Variants in SGCD observed in about 807,000 individuals in gnomAD.
The protein encoded by SGCD is delta-sarcoglycan.
Under a neutral mutation model 36.6 loss-of-function variants are expected in SGCD, and 18 were observed. The ratio of observed to expected loss-of-function variants is 0.49; its 90% CI spans 0.34 to 0.73. The LOEUF (loss-of-function observed/expected upper bound fraction) is 0.73. Ranked by LOEUF, SGCD falls within the 30% of genes least tolerant of loss-of-function variation. The pLI, the probability that SGCD is intolerant of heterozygous loss-of-function variation, is 0.01. For synonymous variants in SGCD, 133 were observed against 130.6 expected, an observed-to-expected ratio of 1.02 and a Z score of -0.12; for missense variants, 387 against 346.7, an observed-to-expected ratio of 1.12 and a Z score of -0.92.
At chr5:156,211,660 A>G (rs1266946239) in intron 3 of SGCD, among the ~76,000 whole-genome samples, 2 of 152,050 alleles carry the variant, frequency 1.3e-5, no homozygotes, top group Non-Finnish European at 2.9e-5. Flanking sequence ...TAGCACTAAA[A>G]CATATGAAAG....
intron 1 of SGCD, among the ~76,000 whole-genome samples, chr5:156,070,060 A>T (rs532967855): frequency 6.6e-6 from 1 of 151,436 alleles, no homozygotes; most frequent in South Asian, 2.1e-4. Context: ...TAGATATACA[A>T]TCATGTCATC....
At chr5:156,682,785 T>C (rs901478225) in intron 7 of SGCD, among the ~76,000 whole-genome samples, 12 of 91,688 alleles carry the variant, frequency 1.3e-4, no homozygotes, top group Non-Finnish European at 2.6e-4. Flanking sequence ...TTAGTTTACA[T>C]TTGAGAACAC....
the SGCD span, among the ~76,000 whole-genome samples, chr5:155,829,401 A>C: frequency 6.6e-6 from 1 of 152,054 alleles, no homozygotes; most frequent in Admixed American, 6.6e-5. Context: ...CAGCCTCACT[A>C]ATAATGCCTT....
chr5:156,209,688 G>A (rs1422664159), intron 3 of SGCD, among the ~76,000 whole-genome samples: 1 of 152,190 alleles, frequency 6.6e-6, no homozygotes, highest in Non-Finnish European at 1.5e-5. Flanking sequence ...CCAATAATGT[G>A]GGCATAGGTT....
chr5:156,558,124 T>TATATATATATATATATATATATA (rs56288003), intron 4 of SGCD, among the ~76,000 whole-genome samples: 2 of 123,610 alleles, frequency 1.6e-5, no homozygotes, highest in African/African-American at 3.0e-5. Context: ...TATATATATA[T>TATATATATATATATATATATATA]TATTTAACTC....
intron 1 of SGCD, among the ~76,000 whole-genome samples, chr5:156,105,493 A>C (rs1447454197): frequency 6.6e-6 from 1 of 152,234 alleles, no homozygotes; most frequent in African/African-American, 2.4e-5. Flanking sequence ...ACATAATTAA[A>C]AGAGTAATGT....
At chr5:155,757,908 A>G in the SGCD span, among the ~76,000 whole-genome samples, 1 of 152,012 alleles carries the variant, frequency 6.6e-6, no homozygotes, top group Non-Finnish European at 1.5e-5. Context: ...ATGAGATTTG[A>G]TGGTTCTATA....
At chr5:156,277,450 CAA>C (rs1766346729) in intron 3 of SGCD, among the ~76,000 whole-genome samples, 1 of 152,122 alleles carries the variant, frequency 6.6e-6, no homozygotes, top group African/African-American at 2.4e-5. Flanking sequence ...CATAAAAATG[CAA>C]AGAGGGTTGT....
intron 4 of SGCD, among the ~76,000 whole-genome samples, chr5:156,542,404 C>T (rs1453867510): frequency 2.0e-5 from 3 of 152,172 alleles, no homozygotes; most frequent in African/African-American, 7.2e-5. Flanking sequence ...ATATATTAAA[C>T]ATAGTCACCT....
chr5:156,571,046 G>A (rs909660341), intron 4 of SGCD, among the ~76,000 whole-genome samples: 2 of 150,200 alleles, frequency 1.3e-5, no homozygotes, highest in African/African-American at 4.9e-5. Flanking sequence ...TTTGTTTTTT[G>A]TTTCATTTTG....
chr5:156,036,224 C>T (rs186311399), intron 1 of SGCD, among the ~76,000 whole-genome samples: 1 of 152,244 alleles, frequency 6.6e-6, no homozygotes, highest in East Asian at 1.9e-4. Context: ...AGTGAGAGGT[C>T]ATAGAGACTT....
intron 3 of SGCD, among the ~76,000 whole-genome samples, chr5:156,480,866 T>A (rs1462411897): frequency 1.3e-5 from 2 of 152,230 alleles, no homozygotes; most frequent in African/African-American, 4.8e-5. Context: ...TTAACACTCT[T>A]ATTGCCTTCA....
intron 6 of SGCD, among the ~76,000 whole-genome samples, chr5:156,605,509 A>G (rs906260416): frequency 2.6e-5 from 4 of 152,256 alleles, no homozygotes; most frequent in East Asian, 1.9e-4. Context: ...CAATAAAAAT[A>G]CGTCTGCATG....
At chr5:156,709,886 A>C (rs908988735) in intron 7 of SGCD, among the ~76,000 whole-genome samples, 7 of 141,350 alleles carry the variant, frequency 5.0e-5, no homozygotes, top group Admixed American at 1.5e-4. Flanking sequence ...ATGGGAAGGG[A>C]ATCAACAAGA....
At chr5:156,143,968 A>G (rs549710216) in intron 3 of SGCD, among the ~76,000 whole-genome samples, 1 of 136,790 alleles carries the variant, frequency 7.3e-6, no homozygotes, top group East Asian at 2.2e-4. Context: ...ATTCCCACCT[A>G]TGAGTGAGAA....
Position 156,344,518 on chromosome 5 carries a change from G to A in SGCD, c.33G>A (p.Arg11=), listed in dbSNP as rs756007116. The A allele has an allele frequency of 1.9e-6, 3 of 1,608,516 alleles. No individual in the cohort carries two copies. Among genetic ancestry groups the A allele is most frequent in the South Asian group, 1.1e-5 (1 of 89,730 alleles). ...CTCAGGAGCAGTACACTCACCACCGGAGCACCATGCCTGGCTCTGTGGGGC... is the reference window on the plus strand; with the variant it reads ...CTCAGGAGCAGTACACTCACCACCGAAGCACCATGCCTGGCTCTGTGGGGC... MMPQEQYTHH[R]STMPGSVGPQ... The change falls in exon 3 of 9, where the codon CGG becomes CGA. Residue 11 remains arginine (R), a synonymous_variant. Transcript: ENST00000337851.
At chr5:155,854,301 T>TC in the SGCD span, among the ~76,000 whole-genome samples, 2 of 152,120 alleles carry the variant, frequency 1.3e-5, no homozygotes, top group Non-Finnish European at 1.5e-5. Flanking sequence ...TTGCCAAATG[T>TC]CCCCCAGGGG....
At chr5:155,855,696 A>AG in the SGCD span, among the ~76,000 whole-genome samples, 2 of 152,196 alleles carry the variant, frequency 1.3e-5, no homozygotes, top group Non-Finnish European at 2.9e-5. Context: ...TGTTATAAAA[A>AG]TTTACCAGTT....
intron 3 of SGCD, among the ~76,000 whole-genome samples, chr5:156,250,167 C>CT (rs1161598665): frequency 6.6e-6 from 1 of 152,094 alleles, no homozygotes; most frequent in African/African-American, 2.4e-5. Flanking sequence ...TTGATTTCTT[C>CT]TTTTTTGTCA....
Sources: allele counts gnomAD v4.1 joint callset (sites outside exome capture counted in the v4.1 genomes callset), GRCh38; gene constraint gnomAD v4.1.1; transcripts MANE v1.5; gene names NCBI Gene and HGNC (gene_info 2026-07-23, HGNC 2026-07-21).